The following PCLO variants were observed in gnomAD, a reference collection of about 807,000 sequenced individuals.
The protein encoded by PCLO is piccolo presynaptic cytomatrix protein, also known as protein piccolo.
PCLO carries 82 observed loss-of-function variants against 427.5 expected under a neutral mutation model. The observed-to-expected ratio is 0.19, with a 90% CI of 0.16 to 0.23. The LOEUF (loss-of-function observed/expected upper bound fraction) is 0.23. PCLO is among the 10% of genes least tolerant of loss of function. PCLO has a pLI of 1.00. For missense variants in PCLO, 6,239 were observed against 6,115.9 expected, an observed-to-expected ratio of 1.02 and a Z score of -0.67; for synonymous variants, 2,357 against 2,155.4, an observed-to-expected ratio of 1.09 and a Z score of -2.59.
Position 82,966,848 on chromosome 7 carries a change from T to G in PCLO, c.3301-361A>C, listed in dbSNP as rs772245767. 2.1e-4 allele frequency among the ~76,000 whole-genome samples: 32 copies of G among 152,316 alleles called. 1 individual carries two copies. The highest frequency in any genetic ancestry group is 7.8e-4 in the Admixed American group (12 of 15,302). On this transcript the variant is annotated intron_variant, in intron 3 of 24. Coordinates refer to ENST00000333891, the MANE Select transcript of PCLO (RefSeq NM_033026.6). ...TTTTAAGGCCTGGCTTCTTCAAAAT[T>G]AGTATTTTCATCCAAAATTTATTCA... is the stretch of plus-strand genomic sequence containing the variant.
chr7:82,805,646 A>G, intron 21 of PCLO, 42 bp downstream of exon 21: 1 of 1,593,450 alleles, frequency 6.3e-7, no homozygotes, highest in Non-Finnish European at 8.6e-7. Flanking sequence ...CTTACTCATG[A>G]TGCTGAGTAA....
chr7:82,776,316 G>C (rs567498061), intron 22 of PCLO, among the ~76,000 whole-genome samples: 320 of 152,210 alleles, frequency 2.1e-3, no homozygotes, highest in South Asian at 9.7e-3. Flanking sequence ...AACTGGGCCG[G>C]GCGTGGTGGC....
chr7:83,106,485 C>T (rs1790859809), intron 3 of PCLO, among the ~76,000 whole-genome samples: 1 of 152,134 alleles, frequency 6.6e-6, no homozygotes, highest in Admixed American at 6.6e-5. Context: ...CTTATATTTG[C>T]ATGATGACTT....
At chr7:83,024,961 C>A (rs956714016) in intron 3 of PCLO, among the ~76,000 whole-genome samples, 1 of 152,138 alleles carries the variant, frequency 6.6e-6, no homozygotes, top group Non-Finnish European at 1.5e-5. Context: ...TGTACATCAC[C>A]ATCATCAAAG....
intron 6 of PCLO, among the ~76,000 whole-genome samples, chr7:82,946,810 G>A (rs1795214432): frequency 6.6e-6 from 1 of 152,186 alleles, no homozygotes; most frequent in Admixed American, 6.5e-5. Context: ...TGTGCTGCAA[G>A]TAACATAATC....
At chr7:83,071,721 G>A (rs897375256) in intron 3 of PCLO, among the ~76,000 whole-genome samples, 1 of 152,084 alleles carries the variant, frequency 6.6e-6, no homozygotes, top group African/African-American at 2.4e-5. Context: ...GAGTGGGGAA[G>A]AACAAAAGTT....
At chr7:83,129,515 C>T (rs372392886) in intron 3 of PCLO, among the ~76,000 whole-genome samples, 12 of 152,206 alleles carry the variant, frequency 7.9e-5, no homozygotes, top group African/African-American at 2.6e-4. Context: ...AAATCACATA[C>T]ACTAGTGGTG....
chr7:82,964,136 T>C (rs972897032), intron 4 of PCLO, among the ~76,000 whole-genome samples: 7 of 151,448 alleles, frequency 4.6e-5, no homozygotes, highest in African/African-American at 1.7e-4. Flanking sequence ...GCTCAAATAA[T>C]TGGCAAAAGG....
intron 3 of PCLO, among the ~76,000 whole-genome samples, chr7:83,052,624 A>G (rs1789282385): frequency 6.6e-6 from 1 of 152,004 alleles, no homozygotes; most frequent in Non-Finnish European, 1.5e-5. Context: ...AGGAATCAAA[A>G]ATCAACAAGC....
At chr7:82,797,292 A>C (rs887240741) in intron 22 of PCLO, among the ~76,000 whole-genome samples, 9 of 152,182 alleles carry the variant, frequency 5.9e-5, no homozygotes, top group African/African-American at 2.2e-4. Context: ...AAAGATGATA[A>C]ACACCTGGTT....
At chr7:82,790,291 G>T (rs535863524) in intron 22 of PCLO, among the ~76,000 whole-genome samples, 30 of 152,066 alleles carry the variant, frequency 2.0e-4, no homozygotes, top group African/African-American at 7.0e-4. Flanking sequence ...AGTTCTTCCT[G>T]ACAGCTTCAG....
rs115029573 is a variant in PCLO, at chr7:82,889,353, A to T, written c.13529-9891T>A. The stretch of plus-strand genomic sequence containing the variant: ...ACCAGGATGCTTAGGAGACAATTAA[A>T]TTATAAAATATTGGACAAAATATCA... On this transcript the variant is annotated intron_variant, in intron 9 of 24. Coordinates refer to ENST00000333891, the MANE Select transcript of PCLO (RefSeq NM_033026.6). Among the ~76,000 whole-genome samples the T allele has an allele frequency of 5.8e-3, 884 of 152,290 alleles. 12 individuals carry two copies. The highest frequency in any genetic ancestry group is 0.02 in the African/African-American group (834 of 41,562).
chr7:83,132,772 T>C (rs1366385956), intron 3 of PCLO, among the ~76,000 whole-genome samples: 1 of 152,118 alleles, frequency 6.6e-6, no homozygotes, highest in Non-Finnish European at 1.5e-5. Flanking sequence ...CTTCATTGTG[T>C]TGATACTATA....
intron 10 of PCLO, among the ~76,000 whole-genome samples, chr7:82,857,956 T>G (rs1792850835): frequency 6.6e-6 from 1 of 152,130 alleles, no homozygotes; most frequent in Non-Finnish European, 1.5e-5. Flanking sequence ...GAAGAAATAC[T>G]TCCAAACTCA....
chr7:83,115,226 G>C (rs1425787471), intron 3 of PCLO, among the ~76,000 whole-genome samples: 1 of 151,992 alleles, frequency 6.6e-6, no homozygotes, highest in Admixed American at 6.6e-5. Context: ...TTGAAAGTAT[G>C]GTTCAGGTAG....
In PCLO at chr7:82,904,274, CTCTA is replaced by C. The variant is rs1193657858; in HGVS notation, c.13438-1537_13438-1534del. ...TGCTGTTCACTCTTCTCTCTCCTGT[CTCTA>C]TCTCTTTTGTCTGTCTCTCAGTCAG... On this transcript the variant is annotated intron_variant, in intron 8 of 24. Coordinates refer to ENST00000333891, the MANE Select transcript of PCLO (RefSeq NM_033026.6). Among the ~76,000 whole-genome samples, 6 of 151,874 alleles carry C rather than the reference CTCTA, an allele frequency of 4.0e-5. No homozygotes were observed. The South Asian group carries it at 8.3e-4, about 21-fold the overall frequency.
intron 20 of PCLO, among the ~76,000 whole-genome samples, chr7:82,820,096 G>A (rs144323782): frequency 1.3e-4 from 20 of 152,220 alleles, no homozygotes; most frequent in Non-Finnish European, 2.2e-4. Flanking sequence ...TCTGAACAGA[G>A]CTATGAGTTG....
At chr7:83,110,723 C>A (rs1336028102) in intron 3 of PCLO, among the ~76,000 whole-genome samples, 1 of 152,130 alleles carries the variant, frequency 6.6e-6, no homozygotes, top group Non-Finnish European at 1.5e-5. Flanking sequence ...TCCAACTTTA[C>A]TTGATTTTAC....
intron 16 of PCLO, among the ~76,000 whole-genome samples, chr7:82,829,710 C>T (rs1004237871): frequency 3.3e-5 from 5 of 152,030 alleles, no homozygotes; most frequent in Middle Eastern, 3.4e-3. Context: ...AGTTTATATA[C>T]CCAAACATCC....
Sources: gnomAD v4.1 joint callset for allele counts (sites outside exome capture counted in the v4.1 genomes callset) on GRCh38, gnomAD v4.1.1 for gene constraint, MANE v1.5 for transcripts, NCBI Gene and HGNC (gene_info 2026-07-23, HGNC 2026-07-21) for gene names.